Variants in FAM107B observed in about 807,000 individuals in gnomAD.
The protein encoded by FAM107B is family with sequence similarity 107 member B.
A neutral mutation model predicts 31.5 loss-of-function variants in FAM107B; 21 were observed. That is an observed-to-expected ratio of 0.67 (90% CI 0.47 to 0.96). The LOEUF (loss-of-function observed/expected upper bound fraction) is 0.96. FAM107B is among the 40% of genes least tolerant of loss of function. FAM107B has a pLI of 0.00. For synonymous variants in FAM107B, 157 were observed against 141.5 expected, an observed-to-expected ratio of 1.11 and a Z score of -0.78; for missense variants, 452 against 377.1, an observed-to-expected ratio of 1.20 and a Z score of -1.64.
At chr10:14,718,136 G>C (rs924650099) in intron 1 of FAM107B, among the ~76,000 whole-genome samples, 45 of 152,096 alleles carry the variant, frequency 3.0e-4, no homozygotes, top group African/African-American at 1.0e-3. Flanking sequence ...AGACCAGCCT[G>C]GCCAACATGG....
chr10:14,575,605 G>T (rs7910322), intron 2 of FAM107B, among the ~76,000 whole-genome samples: 2 of 152,068 alleles, frequency 1.3e-5, no homozygotes, highest in Non-Finnish European at 2.9e-5. Context: ...AAGGAGCTCA[G>T]GCAGGCACAG....
chr10:14,573,547 A>G lies in FAM107B; in HGVS notation c.470-43032T>C, dbSNP rs1309552914. Among the ~76,000 whole-genome samples the G allele has an allele frequency of 4.2e-5, 6 of 142,928 alleles. No individual in the cohort carries two copies. The East Asian group carries it at 6.2e-4, about 15-fold the overall frequency. 93.8% of individuals were successfully genotyped at this position (142,928 alleles called of 152,430 possible). On this transcript the variant is annotated intron_variant, in intron 2 of 4. Coordinates refer to ENST00000181796, the MANE Select transcript of FAM107B (RefSeq NM_031453.4). ...CTCAAGATCAGCCTAGACAACCAAC[A>G]TGGTGAAACCCCATCTCTATTAAAA... is the stretch of plus-strand genomic sequence containing the variant.
chr10:14,684,189 C>T (rs528907385), intron 1 of FAM107B, among the ~76,000 whole-genome samples: 5 of 152,282 alleles, frequency 3.3e-5, no homozygotes, highest in Admixed American at 6.5e-5. Context: ...CAGTGGCTCA[C>T]GCCTAGTAAT....
chr10:14,635,125 G>T (rs1223149062), intron 2 of FAM107B, among the ~76,000 whole-genome samples: 1 of 99,050 alleles, frequency 1.0e-5, no homozygotes, highest in Non-Finnish European at 2.0e-5. Context: ...AAGGAAAGAA[G>T]AAAGGAAGGA....
chr10:14,671,905 C>A (rs564024490), intron 1 of FAM107B, among the ~76,000 whole-genome samples: 26 of 137,788 alleles, frequency 1.9e-4, no homozygotes, highest in African/African-American at 6.6e-4. Flanking sequence ...AAAAAAAAAC[C>A]CTCTATTTCT....
chr10:14,687,340 G>A (rs1329199991), intron 1 of FAM107B, among the ~76,000 whole-genome samples: 1 of 152,166 alleles, frequency 6.6e-6, no homozygotes, highest in African/African-American at 2.4e-5. Context: ...GCTGAAATAA[G>A]GGAGGAAGGC....
chr10:14,524,971 A>G (rs1194174651), intron 3 of FAM107B, among the ~76,000 whole-genome samples: 1 of 152,270 alleles, frequency 6.6e-6, no homozygotes, highest in Non-Finnish European at 1.5e-5. Context: ...AAGATAAAAT[A>G]TGTAGTAACA....
In FAM107B at chr10:14,685,048, C is replaced by A. The variant is rs569373029; in HGVS notation, c.412-17357G>T. On this transcript the variant is annotated intron_variant, in intron 1 of 4. Transcript: ENST00000181796. ...GTCTCCCTATCAATGCCCAGGGTGC[C>A]CAGGGTGGTCTCTAGCTCCTGGGCT... Among the ~76,000 whole-genome samples, 3 of 152,034 alleles carry A rather than the reference C, an allele frequency of 2.0e-5. No homozygotes were observed. In the South Asian group the frequency reaches 6.2e-4, roughly 32 times the overall value.
At chr10:14,631,716 C>T (rs537945594) in intron 2 of FAM107B, among the ~76,000 whole-genome samples, 1 of 152,252 alleles carries the variant, frequency 6.6e-6, no homozygotes, top group South Asian at 2.1e-4. Flanking sequence ...TCATCAGCCC[C>T]GATTCTGCCC....
intron 1 of FAM107B, among the ~76,000 whole-genome samples, chr10:14,761,891 A>C (rs1833055849): frequency 6.6e-6 from 1 of 152,100 alleles, no homozygotes; most frequent in Admixed American, 6.6e-5. Context: ...CCGCCACCGC[A>C]CCGGGCCGAT....
chr10:14,603,938 C>T lies in FAM107B; in HGVS notation c.469+63696G>A, dbSNP rs1044672324. Among the ~76,000 whole-genome samples, 7 of 149,958 alleles carry T rather than the reference C, an allele frequency of 4.7e-5. 1 individual carries two copies. The highest frequency in any genetic ancestry group is 1.3e-4 in the Admixed American group (2 of 15,060). Reference sequence around the variant, plus strand: ...GGGTAGGGCTCCCCCGCGGCAGCGCCGAGAAGGCAACAATGAGCCGGGCGG... The same window carrying T: ...GGGTAGGGCTCCCCCGCGGCAGCGCTGAGAAGGCAACAATGAGCCGGGCGG... On this transcript the variant is annotated intron_variant, in intron 2 of 4. Coordinates refer to ENST00000181796, the MANE Select transcript of FAM107B (RefSeq NM_031453.4).
chr10:14,523,167 A>G (rs901945087), intron 3 of FAM107B, among the ~76,000 whole-genome samples: 3 of 152,156 alleles, frequency 2.0e-5, no homozygotes, highest in Admixed American at 2.0e-4. Flanking sequence ...TGCCTTTTCT[A>G]TTTCCTTAGG....
At chr10:14,697,815 CT>C (rs1320342898) in intron 1 of FAM107B, among the ~76,000 whole-genome samples, 2 of 152,188 alleles carry the variant, frequency 1.3e-5, no homozygotes, top group African/African-American at 2.4e-5. Flanking sequence ...CCCAACTCAA[CT>C]TTTGTTCTTG....
At chr10:14,629,473 T>TATATATAACATATATAATATATATATTTA (rs1853289922) in intron 2 of FAM107B, among the ~76,000 whole-genome samples, 1 of 58,474 alleles carries the variant, frequency 1.7e-5, no homozygotes, top group African/African-American at 8.0e-5. Flanking sequence ...ATATATTTAA[T>TATATATAACATATATAATATATATATTTA]ATATATATAA....
At chr10:14,727,357 G>C (rs118122792) in intron 1 of FAM107B, among the ~76,000 whole-genome samples, 1 of 152,252 alleles carries the variant, frequency 6.6e-6, no homozygotes, top group East Asian at 1.9e-4. Flanking sequence ...CATCATGCTC[G>C]GGTTTTCATC....
In FAM107B at chr10:14,758,976, C is replaced by A. The variant is rs184367278; in HGVS notation, c.411+15277G>T. 5.4e-3 allele frequency among the ~76,000 whole-genome samples: 806 copies of A among 149,982 alleles called. 6 individuals carry two copies. Among genetic ancestry groups the A allele is most frequent in the African/African-American group, 0.018 (750 of 40,712 alleles). ...GGTGGATCACCTGAGGTTGGGAGTT[C>A]GAGACCAGCCTGACCAACATGGAGA... is the stretch of plus-strand genomic sequence containing the variant. On this transcript the variant is annotated intron_variant, in intron 1 of 4. Coordinates refer to ENST00000181796, the MANE Select transcript of FAM107B (RefSeq NM_031453.4).
At chr10:14,573,228 C>G (rs1851346139) in intron 2 of FAM107B, among the ~76,000 whole-genome samples, 1 of 152,148 alleles carries the variant, frequency 6.6e-6, no homozygotes, top group South Asian at 2.1e-4. Flanking sequence ...GAAACTTAAT[C>G]CTCAATGCAA....
chr10:14,643,705 C>T (rs896692643), intron 2 of FAM107B, among the ~76,000 whole-genome samples: 12 of 152,120 alleles, frequency 7.9e-5, no homozygotes, highest in Non-Finnish European at 1.3e-4. Context: ...CCACTGCACC[C>T]GGCTGTCAGT....
intron 1 of FAM107B, among the ~76,000 whole-genome samples, chr10:14,693,244 G>A (rs1008436223): frequency 2.0e-5 from 3 of 152,198 alleles, no homozygotes; most frequent in African/African-American, 4.8e-5. Flanking sequence ...GGGAGGCCAA[G>A]GTGGGTGGAT....
Sources: gnomAD v4.1 joint callset for allele counts (sites outside exome capture counted in the v4.1 genomes callset) on GRCh38, gnomAD v4.1.1 for gene constraint, MANE v1.5 for transcripts, NCBI Gene and HGNC (gene_info 2026-07-23, HGNC 2026-07-21) for gene names.